The following SLC2A9 variants were observed in gnomAD, a reference collection of about 807,000 sequenced individuals.
The protein encoded by SLC2A9 is solute carrier family 2 member 9, also known as solute carrier family 2, facilitated glucose transporter member 9.
Under a neutral mutation model 50.6 loss-of-function variants are expected in SLC2A9, and 39 were observed. The ratio of observed to expected loss-of-function variants is 0.77; its 90% CI spans 0.60 to 1.01. SLC2A9 has a LOEUF of 1.01. Among genes scored for constraint, SLC2A9 ranks in the 50% least tolerant of loss-of-function variants. The probability of loss-of-function intolerance (pLI) is 0.00; values close to 1 mark genes in which losing one functional copy is unlikely to be tolerated. For synonymous variants in SLC2A9, 324 were observed against 276.9 expected, an observed-to-expected ratio of 1.17 and a Z score of -1.69; for missense variants, 686 against 677.6, an observed-to-expected ratio of 1.01 and a Z score of -0.14.
At chr4:10,035,340 C>G (rs913733317) in intron 1 of SLC2A9, 1 of 152,282 alleles carries the variant, frequency 6.6e-6, no homozygotes, top group Non-Finnish European at 1.5e-5. Context: ...TCTGTTCACT[C>G]TCAGATCAGG....
chr4:9,915,555 C>T (rs1742710679), intron 7 of SLC2A9, among the ~76,000 whole-genome samples: 1 of 152,174 alleles, frequency 6.6e-6, no homozygotes, highest in Admixed American at 6.5e-5. Flanking sequence ...TAAATGCATC[C>T]TTTCATCTAT....
chr4:9,834,848 C>G (rs368113608), intron 11 of SLC2A9, 33 bp downstream of exon 11: 4 of 1,613,900 alleles, frequency 2.5e-6, no homozygotes, highest in Non-Finnish European at 3.4e-6. Flanking sequence ...TCAAAGGGAA[C>G]CCCATGGGCA....
intron 3 of SLC2A9, among the ~76,000 whole-genome samples, chr4:9,800,410 C>T (rs1417009062): frequency 1.3e-5 from 2 of 152,132 alleles, no homozygotes; most frequent in East Asian, 3.9e-4. Context: ...GTGTCCTTAT[C>T]AAAAGAGGAA....
At chr4:9,873,700 G>C (rs6855445) in intron 10 of SLC2A9, among the ~76,000 whole-genome samples, 2 of 152,206 alleles carry the variant, frequency 1.3e-5, no homozygotes, top group Non-Finnish European at 2.9e-5. Flanking sequence ...GCTGGATGTA[G>C]ATAGGAGGAA....
rs1278880529 is a variant in SLC2A9, at chr4:9,887,612, T to C, written c.1246A>G (p.Ile416Val). Residue 416 changes from isoleucine to valine, a missense_variant, in exon 10 of 12, where the codon ATC becomes GTC. Transcript: ENST00000264784. ...GCGATGATGGCCAGAATGCCCACGA[T>C]ACTCAGGTAGGGGACCCAGGGGGCG... The part of the protein sequence containing the change: ...DHAPWVPYLS[I>V]VGILAIIASF... 7.7e-6 allele frequency: 12 copies of C among 1,566,164 alleles called. No homozygotes were observed. Among genetic ancestry groups the C allele is most frequent in the Non-Finnish European group, 9.5e-6 (11 of 1,154,926 alleles).
chr4:9,997,927 C>T (rs1759021168), intron 2 of SLC2A9, among the ~76,000 whole-genome samples: 1 of 152,076 alleles, frequency 6.6e-6, no homozygotes, highest in African/African-American at 2.4e-5. Context: ...CTACGATATA[C>T]AAAGAACTCT....
rs1225779845 is a variant in SLC2A9, at chr4:9,996,918, C to T, written c.273G>A (p.Glu91=). 3.1e-6 allele frequency: 5 copies of T among 1,613,998 alleles called. No individual in the cohort carries two copies. Among genetic ancestry groups the T allele is most frequent in the Non-Finnish European group, 4.2e-6 (5 of 1,179,990 alleles). The change falls in exon 3 of 12, where the codon GAG becomes GAA. Residue 91 remains glutamate (E), a synonymous_variant. Transcript: ENST00000264784. The part of the protein sequence containing the change: ...PTPYIKAFYN[E]SWERRHGRPI... ...GACGTCCATGCCTTCTTTCCCATGA[C>T]TCATTGTAAAAGGCCTTGATGTACT...
At chr4:9,781,982 G>A (rs1718460451) in intron 3 of SLC2A9, 2 of 1,391,104 alleles carry the variant, frequency 1.4e-6, no homozygotes, top group African/African-American at 1.5e-5. Flanking sequence ...GGGGTCGCAG[G>A]GCTGAAGTTG....
At chr4:9,920,605 G>A in intron 6 of SLC2A9, 33 bp from the exon 7 acceptor site, 1 of 1,613,298 alleles carries the variant, frequency 6.2e-7, no homozygotes, top group East Asian at 2.2e-5. Flanking sequence ...ACTTTCAGCA[G>A]GGATTAGAGT....
At chr4:9,976,022 C>T (rs1007700873) in intron 5 of SLC2A9, among the ~76,000 whole-genome samples, 5 of 152,084 alleles carry the variant, frequency 3.3e-5, no homozygotes, top group African/African-American at 1.2e-4. Context: ...TGCATGTTCT[C>T]ACTTATAAGT....
chr4:9,782,108 G>T (rs747489876), intron 3 of SLC2A9: 2 of 1,546,396 alleles, frequency 1.3e-6, no homozygotes, highest in Non-Finnish European at 1.7e-6. Context: ...GGGGAACGCC[G>T]TGGGGGGCTC....
intron 3 of SLC2A9, chr4:9,782,347 C>G (rs113695344): frequency 1.2e-6 from 2 of 1,613,950 alleles, no homozygotes; most frequent in East Asian, 2.2e-5. Flanking sequence ...TGGCCGGTTA[C>G]TGGCCCTTTG....
intron 11 of SLC2A9, among the ~76,000 whole-genome samples, chr4:9,827,014 A>G (rs984502886): frequency 2.0e-5 from 3 of 152,232 alleles, no homozygotes; most frequent in Non-Finnish European, 2.9e-5. Flanking sequence ...AGTTCATAGG[A>G]AGAATGTGGA....
At chr4:9,781,970 T>A (rs960657255) in intron 3 of SLC2A9, 114 of 1,351,306 alleles carry the variant, frequency 8.4e-5, no homozygotes, top group Non-Finnish European at 1.1e-4. Context: ...TGGGGCTGCC[T>A]GGGGGTCGCA....
upstream of SLC2A9, among the ~76,000 whole-genome samples, chr4:10,023,766 G>A (rs1043004008): frequency 2.3e-4 from 35 of 152,138 alleles, no homozygotes; most frequent in African/African-American, 8.0e-4. Flanking sequence ...TCATGATATC[G>A]TTTAGTCCTC....
At chr4:9,851,367 T>C (rs1280257239) in intron 10 of SLC2A9, among the ~76,000 whole-genome samples, 1 of 152,062 alleles carries the variant, frequency 6.6e-6, no homozygotes, top group Non-Finnish European at 1.5e-5. Context: ...TGAACCCACC[T>C]CATGCTGCAA....
chr4:9,805,065 C>T (rs891034586), intron 3 of SLC2A9, among the ~76,000 whole-genome samples: 11 of 152,316 alleles, frequency 7.2e-5, no homozygotes, highest in Non-Finnish European at 1.3e-4. Flanking sequence ...CGCCCTCTGC[C>T]GGCCTGCAGA....
chr4:9,874,907 A>G (rs1453072054), intron 10 of SLC2A9, among the ~76,000 whole-genome samples: 11 of 139,952 alleles, frequency 7.9e-5, no homozygotes, highest in East Asian at 2.2e-4. Flanking sequence ...TCTGTCTAAG[A>G]TGGGATGCTG....
At chr4:9,910,102 C>A (rs1560285844) in intron 7 of SLC2A9, among the ~76,000 whole-genome samples, 1 of 152,204 alleles carries the variant, frequency 6.6e-6, no homozygotes, top group Admixed American at 6.5e-5. Flanking sequence ...CCAAGAGATG[C>A]CAGTGAAAAC....
Sources: gnomAD v4.1 joint callset for allele counts (sites outside exome capture counted in the v4.1 genomes callset) on GRCh38, gnomAD v4.1.1 for gene constraint, MANE v1.5 for transcripts, NCBI Gene and HGNC (gene_info 2026-07-23, HGNC 2026-07-21) for gene names.